Variants in GALNT9 observed in about 807,000 individuals in gnomAD.
GALNT9 encodes the protein polypeptide N-acetylgalactosaminyltransferase 9, also known as GalNAc transferase 9.
In GALNT9, 47 loss-of-function variants were observed where a neutral mutation model predicts 63.1. That is an observed-to-expected ratio of 0.75 (90% CI 0.59 to 0.95). The LOEUF is 0.95. GALNT9 is among the 40% of genes least tolerant of loss of function. The probability of loss-of-function intolerance (pLI) is 0.00; values close to 1 mark genes in which losing one functional copy is unlikely to be tolerated. For missense variants in GALNT9, 829 were observed against 874.8 expected (o/e 0.95, Z 0.66); for synonymous variants, 396 against 365.7 (o/e 1.08, Z -0.94).
intron 5 of GALNT9, among the ~76,000 whole-genome samples, chr12:132,249,439 G>A (rs1240116307): frequency 6.6e-6 from 1 of 152,226 alleles, no homozygotes; most frequent in African/African-American, 2.4e-5. Context: ...AAGAATAGCA[G>A]GAGCATTAAA....
Position 132,247,957 on chromosome 12 carries a change from G to T in GALNT9, c.1030C>A (p.Pro344Thr), listed in dbSNP as rs781929103. The stretch of plus-strand genomic sequence containing the variant: ...TCGCCGCCATACACCTCCATGCCGG[G>T]GTCCAGCAGCCCAATGTCTCCGAAG... ...EYFGDIGLLD[P>T]GMEVYGGENV... Residue 344 changes from proline to threonine, a missense_variant, in exon 6 of 11, where the codon CCC (proline) becomes ACC (threonine). Coordinates refer to ENST00000328957, the MANE Select transcript of GALNT9 (RefSeq NM_001122636.2). 6.4e-7 allele frequency: 1 copy of T among 1,551,564 alleles called. No individual in the cohort carries two copies. The highest frequency in any genetic ancestry group is 1.2e-5 in the South Asian group (1 of 84,068).
intron 1 of GALNT9, among the ~76,000 whole-genome samples, chr12:132,291,896 A>T (rs1415106512): frequency 6.6e-6 from 1 of 152,124 alleles, no homozygotes; most frequent in Non-Finnish European, 1.5e-5. Context: ...ATGGGCCCCA[A>T]TCCTGCTGCA....
intron 4 of GALNT9, 100 bp downstream of exon 4, chr12:132,260,848 G>C (rs1555239655): frequency 2.8e-6 from 4 of 1,423,682 alleles, no homozygotes; most frequent in African/African-American, 1.4e-5. Context: ...CAGCCCCGGG[G>C]CCAACCCAGC....
rs538041534 is a variant in GALNT9, at chr12:132,310,006, C to G, written c.238+18960G>C. On this transcript the variant is annotated intron_variant, in intron 1 of 10. Coordinates refer to ENST00000328957, the MANE Select transcript of GALNT9 (RefSeq NM_001122636.2). The surrounding 1 kb of genome is among the most constrained non-coding windows in gnomAD (Gnocchi z 4.8). ...CGACCAACACCCAGTCAGCAAGACT[C>G]GAGTGGAACTTGCTGGGTGGAATTT... is the stretch of plus-strand genomic sequence containing the variant. Among the ~76,000 whole-genome samples, 1 of 152,216 alleles carries G rather than the reference C, an allele frequency of 6.6e-6. No individual in the cohort carries two copies. The highest frequency in any genetic ancestry group is 1.5e-5 in the Non-Finnish European group (1 of 68,040).
At chr12:132,292,557 TG>T (rs1555242887) in intron 1 of GALNT9, among the ~76,000 whole-genome samples, 1 of 152,214 alleles carries the variant, frequency 6.6e-6, no homozygotes, top group Non-Finnish European at 1.5e-5. Context: ...TGGTCCTGGC[TG>T]GGCCCAAACC....
chr12:132,240,829 T>A (rs1178952512), intron 6 of GALNT9: 1 of 406,264 alleles, frequency 2.5e-6, no homozygotes, highest in Non-Finnish European at 4.9e-6. Flanking sequence ...AGGCCGTCCC[T>A]ATACCCATTA....
intron 1 of GALNT9, among the ~76,000 whole-genome samples, chr12:132,298,424 A>G (rs1881155601): frequency 6.6e-6 from 1 of 151,564 alleles, no homozygotes; most frequent in African/African-American, 2.4e-5. Flanking sequence ...CACTCCTGAG[A>G]TAATCCACTC....
intron 1 of GALNT9, among the ~76,000 whole-genome samples, chr12:132,314,972 G>A (rs1200188376): frequency 2.6e-5 from 4 of 152,286 alleles, no homozygotes; most frequent in South Asian, 2.1e-4. Flanking sequence ...GGTGCCGGGC[G>A]CTGCTCCCAG....
At chr12:132,291,375 AGCACCCAC>A (rs1880828857) in intron 1 of GALNT9, among the ~76,000 whole-genome samples, 1 of 117,402 alleles carries the variant, frequency 8.5e-6, no homozygotes, top group Non-Finnish European at 1.7e-5. Flanking sequence ...CCACGTCCAC[AGCACCCAC>A]GTCCACAGCA....
At chr12:132,313,517 TCCACTTACCCAC>T (rs1881894692) in intron 1 of GALNT9, among the ~76,000 whole-genome samples, 1 of 45,260 alleles carries the variant, frequency 2.2e-5, no homozygotes, top group South Asian at 7.7e-4. Context: ...CACCCACCCA[TCCACTTACCCAC>T]CCACCCATCC....
intron 2 of GALNT9, among the ~76,000 whole-genome samples, chr12:132,281,368 G>A (rs1353173466): frequency 3.9e-5 from 6 of 152,206 alleles, no homozygotes; most frequent in African/African-American, 1.2e-4. Context: ...GGCCTCCTTC[G>A]CATTCGAGCT....
intron 6 of GALNT9, chr12:132,247,607 T>A: frequency 9.9e-6 from 5 of 503,860 alleles, no homozygotes; most frequent in African/African-American, 2.1e-5. Context: ...CCCCGGACAC[T>A]GCAGCCACAC....
rs150027749 is a variant in GALNT9, at chr12:132,221,196, T to C, written c.1078-17506A>G. ...TGGTGAAACCTGTCTCTACCAAAAA[T>C]ACAAAAATTAGCTGGGTGTGGTGGT... On this transcript the variant is annotated intron_variant, in intron 6 of 10. Coordinates refer to ENST00000328957, the MANE Select transcript of GALNT9 (RefSeq NM_001122636.2). 3.6e-3 allele frequency among the ~76,000 whole-genome samples: 487 copies of C among 134,174 alleles called. 4 individuals are homozygous for C. The highest frequency in any genetic ancestry group is 0.018 in the Middle Eastern group (4 of 220). 88.0% of individuals were successfully genotyped at this position (134,174 alleles called of 152,430 possible).
chr12:132,263,679 C>A (rs1879491432), intron 2 of GALNT9, among the ~76,000 whole-genome samples: 1 of 152,196 alleles, frequency 6.6e-6, no homozygotes, highest in Non-Finnish European at 1.5e-5. Flanking sequence ...GTCCCATTGA[C>A]AGCTCTATAC....
At chr12:132,308,478 C>G (rs114704974) in intron 1 of GALNT9, among the ~76,000 whole-genome samples, 5 of 152,190 alleles carry the variant, frequency 3.3e-5, no homozygotes, top group African/African-American at 1.2e-4. Context: ...CCAGCAGCCC[C>G]CAGGTGGTGC....
chr12:132,321,153 G>A (rs1281076260), intron 1 of GALNT9, among the ~76,000 whole-genome samples: 1 of 152,174 alleles, frequency 6.6e-6, no homozygotes, highest in Non-Finnish European at 1.5e-5. Context: ...ACCTGTGTCA[G>A]CCCTGACTGA....
intron 6 of GALNT9, among the ~76,000 whole-genome samples, chr12:132,230,442 C>A (rs1005496033): frequency 6.6e-6 from 1 of 152,232 alleles, no homozygotes; most frequent in South Asian, 2.1e-4. Context: ...GGGCACCTGG[C>A]GTTCGCTGCC....
In GALNT9 at chr12:132,286,541, C is replaced by T. The variant is rs1880601682; in HGVS notation, c.239-111G>A. 8 of 1,421,172 alleles carry T rather than the reference C, an allele frequency of 5.6e-6. No homozygotes were observed. In the East Asian group the frequency reaches 2.0e-4, roughly 36 times the overall value. 88.0% of individuals were successfully genotyped at this position (1,421,172 alleles called of 1,614,324 possible). ...CGACGGCCGCTTCCCCCGGTACAAG[C>T]CCAGCAAACTCCCTGCAGATGGCAG... On this transcript the variant is annotated intron_variant, in intron 1 of 10. Transcript: ENST00000328957. The surrounding 1 kb of genome is among the most constrained non-coding windows in gnomAD (Gnocchi z 7.4).
intron 1 of GALNT9, among the ~76,000 whole-genome samples, chr12:132,293,008 G>A (rs1555242916): frequency 6.6e-6 from 1 of 152,216 alleles, no homozygotes; most frequent in African/African-American, 2.4e-5. Context: ...ACACTTGAAG[G>A]GGTATTTGGG....
Sources: allele counts gnomAD v4.1 joint callset (sites outside exome capture counted in the v4.1 genomes callset), GRCh38; gene constraint gnomAD v4.1.1; non-coding constraint Gnocchi (gnomAD v3.1); transcripts MANE v1.5; gene names NCBI Gene and HGNC (gene_info 2026-07-23, HGNC 2026-07-21).